TMEM218: variants seen among roughly 807,000 people sequenced by gnomAD.
TMEM218 encodes the protein transmembrane protein 218.
In TMEM218, 8 loss-of-function variants were observed where a neutral mutation model predicts 10.0. The observed-to-expected ratio is 0.80, with a 90% CI of 0.47 to 1.44. The LOEUF is 1.44. Among genes scored for constraint, TMEM218 ranks in the 40% most tolerant of loss-of-function variants. The pLI is 0.00. For synonymous variants in TMEM218, 66 were observed against 63.5 expected (o/e 1.04, Z -0.18); for missense variants, 110 against 140.1 (o/e 0.79, Z 1.08).
rs138500415 is a variant in TMEM218, at chr11:125,108,707, G to A, written c.-153+2832C>T. ...GATTTACATTAGAGTTGCATTCCTG[G>A]AAATTTTACTATATTAAACTGTGCC... On this transcript the variant is annotated intron_variant, in intron 1 of 4. Coordinates refer to ENST00000682305, the MANE Select transcript of TMEM218 (RefSeq NM_001258244.2). This position sits in a 1 kb window ranked among gnomAD's most constrained non-coding sequence, Gnocchi z 5.3. Among the ~76,000 whole-genome samples the A allele has an allele frequency of 1.2e-3, 189 of 152,220 alleles. No homozygotes were observed. Among genetic ancestry groups the A allele is most frequent in the African/African-American group, 4.4e-3 (183 of 41,536 alleles).
intron 4 of TMEM218, among the ~76,000 whole-genome samples, chr11:125,098,442 T>C (rs1228079416): frequency 6.6e-6 from 1 of 152,166 alleles, no homozygotes; most frequent in Non-Finnish European, 1.5e-5. Context: ...CACTGACCCC[T>C]TCCAGAGCTC....
At position 125,095,865 on chromosome 11, in the gene TMEM218, A is replaced by T. The variant is rs937676557; in HGVS notation, c.*1741T>A. 1.3e-5 allele frequency among the ~76,000 whole-genome samples: 2 copies of T among 152,186 alleles called. No individual in the cohort carries two copies. The highest frequency in any genetic ancestry group is 4.8e-5 in the African/African-American group (2 of 41,444). On this transcript the variant is annotated 3_prime_UTR_variant, in exon 5 of 5. Transcript: ENST00000682305. ...ATGGATTCATGGTCAGGAACCTATA[A>T]GAGTTTTCCCAGAGTTACTTTTTTA... is the stretch of plus-strand genomic sequence containing the variant.
chr11:125,101,547 AT>A, intron 3 of TMEM218: 1 of 1,447,184 alleles, frequency 6.9e-7, no homozygotes, highest in Non-Finnish European at 9.1e-7. Flanking sequence ...TGTAGTTTTT[AT>A]TTTTACTTCT....
At chr11:125,105,078 A>G (rs1951798522) in intron 1 of TMEM218, 1 of 152,298 alleles carries the variant, frequency 6.6e-6, no homozygotes, top group South Asian at 2.1e-4. Flanking sequence ...CACAGGATTG[A>G]CCAGTTTTTG....
At position 125,102,157 on chromosome 11, in the gene TMEM218, GC is replaced by G; in HGVS notation, c.84del (p.Leu29CysfsTer20). 1 of 1,602,066 alleles carries G rather than the reference GC, an allele frequency of 6.2e-7. No homozygotes were observed. Among genetic ancestry groups the G allele is most frequent in the Admixed American group, 1.8e-5 (1 of 57,090 alleles). ...CTCGCCGCCCCGGAGGCTCTGGACA[GC>G]AGCACACACAGCAGCAGCACTGCCA... The part of the protein sequence containing the change: ...LWVAVLLLCV[L>X]LSRASGAARF... On this transcript the variant is annotated frameshift_variant, in exon 3 of 5. Transcript: ENST00000682305. LOFTEE classifies it high-confidence loss of function.
At chr11:125,097,800 C>G in intron 4 of TMEM218, 60 bp from the exon 5 acceptor site, 1 of 1,547,888 alleles carries the variant, frequency 6.5e-7, no homozygotes, top group Non-Finnish European at 8.8e-7. Context: ...GCTGGGTTAA[C>G]CTGAACTCCA....
rs567196822 is a variant in TMEM218 at position 125,096,458 on chromosome 11, G to T, written c.*1148C>A. 5.3e-5 allele frequency: 8 copies of T among 152,240 alleles called. No individual in the cohort carries two copies. The highest frequency in any genetic ancestry group is 1.9e-4 in the African/African-American group (8 of 41,548). The allele number at this position is 152,240 out of a possible 1,614,324, so 9.4% of individuals were successfully genotyped here. On this transcript the variant is annotated 3_prime_UTR_variant, in exon 5 of 5. Transcript: ENST00000682305. ...TTTGCACACTGGCTGTTAGGTGAAG[G>T]TTGGGCAAGTCAGCTGATCTCTTTA...
chr11:125,100,238 A>C (rs541669082), intron 4 of TMEM218, among the ~76,000 whole-genome samples: 1 of 152,274 alleles, frequency 6.6e-6, no homozygotes, highest in Non-Finnish European at 1.5e-5. Flanking sequence ...AGTTCTCAAC[A>C]CTGAAGATTT....
intron 1 of TMEM218, among the ~76,000 whole-genome samples, chr11:125,109,246 A>G (rs979255683): frequency 6.6e-6 from 1 of 151,038 alleles, no homozygotes; most frequent in African/African-American, 2.4e-5. Flanking sequence ...GTATGATACT[A>G]CTTGTATTTT....
At chr11:125,101,890 G>A (rs988484781) in intron 3 of TMEM218, 26 of 524,930 alleles carry the variant, frequency 5.0e-5, no homozygotes, top group Middle Eastern at 4.9e-4. Context: ...AACTCAATAA[G>A]CAGTGAAAGC....
At chr11:125,101,709 G>A (rs937349756) in intron 3 of TMEM218, 11 of 540,648 alleles carry the variant, frequency 2.0e-5, no homozygotes, top group Non-Finnish European at 2.9e-5. Context: ...TTTCAGAGTC[G>A]GTTTATGGCC....
chr11:125,100,016 GACA>G (rs1451678145), intron 4 of TMEM218, among the ~76,000 whole-genome samples: 1 of 151,726 alleles, frequency 6.6e-6, no homozygotes, highest in East Asian at 1.9e-4. Context: ...TCCAAATACT[GACA>G]ACAAACTTGT....
Position 125,101,592 on chromosome 11 carries a change from C to A in TMEM218, c.111-289G>T, listed in dbSNP as rs1591383316. 10 of 940,772 alleles carry A rather than the reference C, an allele frequency of 1.1e-5. No individual in the cohort carries two copies. The East Asian group carries it at 1.3e-4, about 13-fold the overall frequency. 58.3% of individuals were successfully genotyped at this position (940,772 alleles called of 1,614,324 possible). A position where few individuals can be genotyped will look rare whatever the true frequency, so the allele number is the denominator to read the frequency against. ...TCATAATCAAGAAAAACCAAAGCAT[C>A]CCCTCTCCACCTCCACTTCTGTTGT... On this transcript the variant is annotated intron_variant, in intron 3 of 4. Transcript: ENST00000682305.
intron 2 of TMEM218, 143 bp from the exon 3 acceptor site, chr11:125,102,460 T>C: frequency 6.8e-7 from 1 of 1,480,080 alleles, no homozygotes; most frequent in African/African-American, 1.4e-5. Flanking sequence ...TAATGGAAAC[T>C]GGAAATTTAG....
At position 125,109,038 on chromosome 11, in the gene TMEM218, A is replaced by G. The variant is rs574117744; in HGVS notation, c.-153+2501T>C. Among the ~76,000 whole-genome samples the G allele has an allele frequency of 1.4e-3, 208 of 152,370 alleles. 1 individual carries two copies. The highest frequency in any genetic ancestry group is 4.8e-3 in the African/African-American group (201 of 41,584). ...AGTCTTGCATAAAGAGACATGTACA[A>G]GGTGTTTATTGCAGCTTTGTTTACA... On this transcript the variant is annotated intron_variant, in intron 1 of 4. Coordinates refer to ENST00000682305, the MANE Select transcript of TMEM218 (RefSeq NM_001258244.2).
intron 1 of TMEM218, chr11:125,104,276 T>A (rs1008701171): frequency 2.6e-5 from 4 of 152,258 alleles, no homozygotes; most frequent in African/African-American, 9.6e-5. Context: ...ATGGGCGCCA[T>A]CTCGGTCACT....
chr11:125,102,389 G>T, intron 2 of TMEM218, 72 bp from the exon 3 acceptor site: 3 of 1,525,078 alleles, frequency 2.0e-6, no homozygotes, highest in Non-Finnish European at 2.6e-6. Flanking sequence ...TGATCAGTGT[G>T]TTAGGAGGAT....
At chr11:125,109,591 AGGTAAT>A (rs1229964034) in intron 1 of TMEM218, among the ~76,000 whole-genome samples, 1 of 152,186 alleles carries the variant, frequency 6.6e-6, no homozygotes, top group Non-Finnish European at 1.5e-5. Flanking sequence ...ATTTTTAAAA[AGGTAAT>A]GGGCAGCAGG....
At chr11:125,098,671 GA>G (rs564665705) in intron 4 of TMEM218, among the ~76,000 whole-genome samples, 146 of 152,296 alleles carry the variant, frequency 9.6e-4, no homozygotes, top group African/African-American at 3.4e-3. Context: ...CAGAAATTGT[GA>G]ATATGTTAGA....
Sources: allele counts gnomAD v4.1 joint callset (sites outside exome capture counted in the v4.1 genomes callset), GRCh38; gene constraint gnomAD v4.1.1; non-coding constraint Gnocchi (gnomAD v3.1); transcripts MANE v1.5; gene names NCBI Gene and HGNC (gene_info 2026-07-23, HGNC 2026-07-21).